The following PAIP2 variants were observed in gnomAD, a reference collection of about 807,000 sequenced individuals.
PAIP2 encodes polyadenylate-binding protein-interacting protein 2.
A neutral mutation model predicts 14.8 loss-of-function variants in PAIP2; 7 were observed. That is an observed-to-expected ratio of 0.47 (90% CI 0.27 to 0.89). The LOEUF is 0.89. Among genes scored for constraint, PAIP2 ranks in the 40% least tolerant of loss-of-function variants. PAIP2 has a pLI of 0.13. For synonymous variants in PAIP2, 47 were observed against 45.3 expected, an observed-to-expected ratio of 1.04 and a Z score of -0.15; for missense variants, 122 against 154.7, an observed-to-expected ratio of 0.79 and a Z score of 1.12.
intron 1 of PAIP2, among the ~76,000 whole-genome samples, chr5:139,361,489 A>G (rs939802543): frequency 1.3e-5 from 2 of 152,268 alleles, no homozygotes; most frequent in Admixed American, 6.5e-5. Flanking sequence ...ATGTAAATCT[A>G]TTTTTAGTGA....
chr5:139,348,158 A>C (rs963119421), intron 1 of PAIP2, among the ~76,000 whole-genome samples: 7 of 151,876 alleles, frequency 4.6e-5, no homozygotes, highest in African/African-American at 1.7e-4. Context: ...AAAAAAAAAA[A>C]AAAAAACTAC....
intron 1 of PAIP2, among the ~76,000 whole-genome samples, chr5:139,354,411 A>C (rs1397218927): frequency 1.3e-5 from 2 of 152,048 alleles, no homozygotes; most frequent in African/African-American, 4.8e-5. Context: ...CCTTGTATGT[A>C]ATGAGTTGCT....
chr5:139,348,882 G>T (rs1756639539), intron 1 of PAIP2, among the ~76,000 whole-genome samples: 1 of 149,440 alleles, frequency 6.7e-6, no homozygotes, highest in African/African-American at 2.5e-5. Context: ...CGCCATGTTG[G>T]CCAGGCTAGT....
chr5:139,368,832 A>G lies in PAIP2; in HGVS notation c.*34A>G. Reference sequence around the variant, plus strand: ...GGCCCTCTTTTGGTGGATGTAGCACAATTTCCACACTGTGAAGGCAGTATT... The same window carrying G: ...GGCCCTCTTTTGGTGGATGTAGCACGATTTCCACACTGTGAAGGCAGTATT... On this transcript the variant is annotated 3_prime_UTR_variant, in exon 4 of 4. Transcript: ENST00000265192. The G allele has an allele frequency of 2.1e-6, 3 of 1,435,804 alleles. No homozygotes were observed. Among genetic ancestry groups the G allele is most frequent in the Non-Finnish European group, 2.9e-6 (3 of 1,018,242 alleles). 88.9% of individuals were successfully genotyped at this position (1,435,804 alleles called of 1,614,324 possible).
chr5:139,342,399 A>G (rs1756408335), intron 1 of PAIP2: 1 of 151,754 alleles, frequency 6.6e-6, no homozygotes, highest in South Asian at 2.1e-4. Context: ...GCGCGTCGCC[A>G]CGCGCAGCCC....
chr5:139,365,207 C>T (rs1581323394), intron 3 of PAIP2: 1 of 150,898 alleles, frequency 6.6e-6, no homozygotes, highest in South Asian at 2.1e-4. Context: ...AAAATTTGGC[C>T]AGGCACGGTG....
chr5:139,357,753 C>A (rs1193067880), intron 1 of PAIP2, among the ~76,000 whole-genome samples: 1 of 152,136 alleles, frequency 6.6e-6, no homozygotes, highest in Non-Finnish European at 1.5e-5. Flanking sequence ...ATCGCTTGAA[C>A]CTAGGAGGCA....
intron 1 of PAIP2, among the ~76,000 whole-genome samples, chr5:139,352,696 C>T (rs1262010003): frequency 6.7e-6 from 1 of 149,860 alleles, no homozygotes; most frequent in Admixed American, 6.6e-5. Flanking sequence ...GTCTCAAACT[C>T]CTGACCTCAG....
At chr5:139,362,203 C>T (rs189348183) in intron 1 of PAIP2, among the ~76,000 whole-genome samples, 1 of 151,800 alleles carries the variant, frequency 6.6e-6, no homozygotes, top group African/African-American at 2.4e-5. Context: ...TCTTTCAGAC[C>T]GTGTTTGGTT....
intron 2 of PAIP2, 142 bp from the exon 3 acceptor site, chr5:139,364,422 G>C: frequency 1.8e-6 from 1 of 541,702 alleles, no homozygotes; most frequent in Non-Finnish European, 3.2e-6. Flanking sequence ...GGTCATTATG[G>C]TAAGCATTTT....
In PAIP2 at chr5:139,363,834, A is replaced by T. The variant is rs199918986; in HGVS notation, c.50A>T (p.Asp17Val). 2 of 1,614,024 alleles carry T rather than the reference A, an allele frequency of 1.2e-6. No individual in the cohort carries two copies. The highest frequency in any genetic ancestry group is 2.2e-5 in the East Asian group (1 of 44,886). ...ACTAGCCCAAGCATCATCAATGAAG[A>T]TGTGATTATTAACGGTCATTCTCAT... ...SSTSPSIINE[D>V]VIINGHSHED... The change falls in exon 2 of 4, where the codon GAT (aspartate) becomes GTT (valine). Residue 17 changes from aspartate (D) to valine (V), a missense_variant. This residue lies in a region of PAIP2 where 42 missense variants were observed against 36.7 expected (regional missense o/e 1.15). Coordinates refer to ENST00000265192, the MANE Select transcript of PAIP2 (RefSeq NM_016480.5).
intron 1 of PAIP2, among the ~76,000 whole-genome samples, chr5:139,347,367 G>T (rs186645357): frequency 7.0e-6 from 1 of 143,110 alleles, no homozygotes; most frequent in African/African-American, 2.6e-5. Context: ...TCCACCTCCC[G>T]AGTTCAAGCG....
chr5:139,359,273 A>G (rs1757003750), intron 1 of PAIP2, among the ~76,000 whole-genome samples: 1 of 152,070 alleles, frequency 6.6e-6, no homozygotes. Flanking sequence ...TGTAGCTGGC[A>G]TTACAGGTGT....
intron 1 of PAIP2, among the ~76,000 whole-genome samples, chr5:139,352,572 A>C (rs1419888170): frequency 7.1e-6 from 1 of 141,076 alleles, no homozygotes; most frequent in Non-Finnish European, 1.5e-5. Flanking sequence ...ATCTTGGCTC[A>C]CCGCAACCTC....
intron 3 of PAIP2, among the ~76,000 whole-genome samples, chr5:139,366,803 G>A (rs758115879): frequency 1.3e-5 from 2 of 152,186 alleles, no homozygotes; most frequent in Non-Finnish European, 2.9e-5. Context: ...GCTCATGCTT[G>A]TAATCCCAGC....
chr5:139,364,144 A>G, intron 2 of PAIP2: 1 of 525,106 alleles, frequency 1.9e-6, no homozygotes, highest in Non-Finnish European at 3.4e-6. Context: ...TGTCTGAATC[A>G]GGAGGATGAG....
intron 1 of PAIP2, among the ~76,000 whole-genome samples, chr5:139,357,308 A>C (rs1183556033): frequency 1.2e-4 from 19 of 152,346 alleles, no homozygotes. Context: ...TAGGACTACC[A>C]GGATATGTGG....
chr5:139,360,729 T>G (rs1167542816), intron 1 of PAIP2, among the ~76,000 whole-genome samples: 1 of 150,356 alleles, frequency 6.7e-6, no homozygotes, highest in African/African-American at 2.4e-5. Flanking sequence ...TCCCAAAGTG[T>G]TGGGATTACA....
chr5:139,366,192 G>A (rs1757239181), intron 3 of PAIP2, among the ~76,000 whole-genome samples: 1 of 115,286 alleles, frequency 8.7e-6, no homozygotes, highest in African/African-American at 3.4e-5. Context: ...GACAGAGTGA[G>A]ACTCCACCTC....
Sources: gnomAD v4.1 joint callset for allele counts (sites outside exome capture counted in the v4.1 genomes callset) on GRCh38, gnomAD v4.1.1 for gene constraint, gnomAD v4.1.1 regional missense constraint, MANE v1.5 for transcripts, NCBI Gene and HGNC (gene_info 2026-07-23, HGNC 2026-07-21) for gene names.